The following CCBE1 variants were observed in gnomAD, a reference collection of about 807,000 sequenced individuals.
CCBE1 encodes the protein collagen and calcium-binding EGF domain-containing protein 1.
A neutral mutation model predicts 50.0 loss-of-function variants in CCBE1; 37 were observed. The ratio of observed to expected loss-of-function variants is 0.74; its 90% CI spans 0.57 to 0.97. The LOEUF (loss-of-function observed/expected upper bound fraction) is 0.97, where lower values mean the gene tolerates loss of function less well. Among genes scored for constraint, CCBE1 ranks in the 50% least tolerant of loss-of-function variants. The pLI, the probability that CCBE1 is intolerant of heterozygous loss-of-function variation, is 0.00. For synonymous variants in CCBE1, 234 were observed against 203.7 expected (o/e 1.15, Z -1.27); for missense variants, 538 against 523.8 (o/e 1.03, Z -0.26).
rs370405343 is a variant in CCBE1, at chr18:59,474,188, T to G, written c.266-4581A>C. On this transcript the variant is annotated intron_variant, in intron 3 of 10. Coordinates refer to ENST00000439986, the MANE Select transcript of CCBE1 (RefSeq NM_133459.4). The stretch of plus-strand genomic sequence containing the variant: ...GTCTTTGCTATTGTGAATAGCACGG[T>G]GATGAACATAGAAATACATGTGTCT... Among the ~76,000 whole-genome samples the G allele has an allele frequency of 2.0e-5, 3 of 152,344 alleles. 1 individual carries two copies. The South Asian group carries it at 6.2e-4, about 32-fold the overall frequency.
At chr18:59,543,574 G>A (rs536770031) in intron 2 of CCBE1, among the ~76,000 whole-genome samples, 112 of 152,278 alleles carry the variant, frequency 7.4e-4, no homozygotes, top group Non-Finnish European at 1.4e-3. Context: ...GGTGGCTCAC[G>A]TCTGAAATCC....
At chr18:59,478,495 T>G (rs655528) in intron 3 of CCBE1, among the ~76,000 whole-genome samples, 101,939 of 152,056 alleles carry the variant, frequency 0.67, 34,628 homozygotes, top group East Asian at 0.84. Flanking sequence ...ACAGAGCAGA[T>G]AATTAGCTCT....
chr18:59,455,154 G>A (rs557489724), intron 5 of CCBE1: 1 of 667,532 alleles, frequency 1.5e-6, no homozygotes, highest in Non-Finnish European at 2.8e-6. Flanking sequence ...AGGGAGAGGG[G>A]CCCTGCTAGA....
chr18:59,501,231 G>A (rs1481734735), intron 2 of CCBE1, among the ~76,000 whole-genome samples: 2 of 152,224 alleles, frequency 1.3e-5, no homozygotes, highest in African/African-American at 2.4e-5. Flanking sequence ...ACGTCAAGTC[G>A]ATGGTGATTT....
intron 2 of CCBE1, among the ~76,000 whole-genome samples, chr18:59,651,102 T>C (rs561208181): frequency 1.6e-3 from 241 of 152,350 alleles, no homozygotes; most frequent in African/African-American, 5.6e-3. Flanking sequence ...AAAATTGTGA[T>C]GACTTTTTAC....
chr18:59,665,502 G>A (rs926945059), intron 2 of CCBE1, among the ~76,000 whole-genome samples: 4 of 152,044 alleles, frequency 2.6e-5, no homozygotes, highest in Admixed American at 2.0e-4. Context: ...AGAAAGTAGG[G>A]GTACACCACA....
Position 59,582,350 on chromosome 18 carries a change from G to C in CCBE1, c.213-102112C>G, listed in dbSNP as rs573314587. Among the ~76,000 whole-genome samples, 26 of 152,288 alleles carry C rather than the reference G, an allele frequency of 1.7e-4. 1 individual carries two copies. The highest frequency in any genetic ancestry group is 6.0e-4 in the African/African-American group (25 of 41,562). ...TCCACTGATTTCTTCTAGGGTCTTA[G>C]ACTTCAGAGGTGATGTTGTCCAAGC... On this transcript the variant is annotated intron_variant, in intron 2 of 10. Coordinates refer to ENST00000439986, the MANE Select transcript of CCBE1 (RefSeq NM_133459.4).
intron 2 of CCBE1, among the ~76,000 whole-genome samples, chr18:59,659,175 C>T (rs549995328): frequency 2.1e-4 from 32 of 152,200 alleles, no homozygotes; most frequent in Admixed American, 1.1e-3. Context: ...CTTGGAGAAA[C>T]GTTCTATGTA....
chr18:59,493,064 C>T (rs1027035316), intron 2 of CCBE1, among the ~76,000 whole-genome samples: 6 of 152,170 alleles, frequency 3.9e-5, no homozygotes, highest in Non-Finnish European at 7.3e-5. Context: ...TAGATCAGTA[C>T]AGGAATCTGT....
intron 2 of CCBE1, among the ~76,000 whole-genome samples, chr18:59,517,133 C>T (rs1432203022): frequency 6.6e-6 from 1 of 152,204 alleles, no homozygotes; most frequent in African/African-American, 2.4e-5. Context: ...AATTCTGGTA[C>T]TACACAAGTT....
intron 2 of CCBE1, among the ~76,000 whole-genome samples, chr18:59,689,207 A>G (rs1446700770): frequency 6.6e-6 from 1 of 152,204 alleles, no homozygotes; most frequent in Non-Finnish European, 1.5e-5. Flanking sequence ...CTGTTTACAT[A>G]GCCTCCTGTG....
chr18:59,494,261 T>C (rs541976077), intron 2 of CCBE1, among the ~76,000 whole-genome samples: 113 of 152,296 alleles, frequency 7.4e-4, no homozygotes, highest in Middle Eastern at 3.4e-3. Context: ...CCTCATTCAC[T>C]ACCAGCCCTG....
At chr18:59,521,528 T>A (rs533392803) in intron 2 of CCBE1, among the ~76,000 whole-genome samples, 1 of 152,284 alleles carries the variant, frequency 6.6e-6, no homozygotes, top group South Asian at 2.1e-4. Flanking sequence ...CAGCAGCAGA[T>A]CCAAGGCCTC....
At chr18:59,522,664 C>A (rs976988806) in intron 2 of CCBE1, among the ~76,000 whole-genome samples, 2 of 152,124 alleles carry the variant, frequency 1.3e-5, no homozygotes, top group African/African-American at 4.8e-5. Flanking sequence ...GGAGAATATG[C>A]AGATTCTCAC....
intron 3 of CCBE1, among the ~76,000 whole-genome samples, chr18:59,477,563 T>TGTGTGTGTGTGTGTGC (rs1281589585): frequency 1.3e-5 from 2 of 151,914 alleles, no homozygotes; most frequent in East Asian, 3.9e-4. Flanking sequence ...TGTGTGTGTG[T>TGTGTGTGTGTGTGTGC]GTGCACCTGC....
At chr18:59,621,908 T>C (rs2053715121) in intron 2 of CCBE1, among the ~76,000 whole-genome samples, 1 of 152,222 alleles carries the variant, frequency 6.6e-6, no homozygotes, top group African/African-American at 2.4e-5. Context: ...AACATACAGA[T>C]GTCATCCTTG....
rs549946175 is a variant in CCBE1 at position 59,495,363 on chromosome 18, G to C, written c.213-15125C>G. ...CAGACCCAGAGAATTCTTGAGCAAG[G>C]GGAGACCTTAACAGTCAAGTCCAGG... On this transcript the variant is annotated intron_variant, in intron 2 of 10. Coordinates refer to ENST00000439986, the MANE Select transcript of CCBE1 (RefSeq NM_133459.4). Among the ~76,000 whole-genome samples, 90 of 151,778 alleles carry C rather than the reference G, an allele frequency of 5.9e-4. 1 individual carries two copies. Among genetic ancestry groups the C allele is most frequent in the African/African-American group, 2.1e-3 (86 of 41,370 alleles).
At chr18:59,513,767 T>C (rs1428722778) in intron 2 of CCBE1, among the ~76,000 whole-genome samples, 2 of 152,232 alleles carry the variant, frequency 1.3e-5, no homozygotes, top group African/African-American at 4.8e-5. Flanking sequence ...AGTAGTGCTT[T>C]GTACCTCATA....
At chr18:59,577,902 C>A (rs2053023137) in intron 2 of CCBE1, among the ~76,000 whole-genome samples, 1 of 152,066 alleles carries the variant, frequency 6.6e-6, no homozygotes, top group Non-Finnish European at 1.5e-5. Context: ...TAGACATGGG[C>A]AAAGACTTCA....
Sources: allele counts gnomAD v4.1 joint callset (sites outside exome capture counted in the v4.1 genomes callset), GRCh38; gene constraint gnomAD v4.1.1; transcripts MANE v1.5; gene names NCBI Gene and HGNC (gene_info 2026-07-23, HGNC 2026-07-21).